Variants in SCLT1 observed in about 807,000 individuals in gnomAD.
The protein encoded by SCLT1 is sodium channel and clathrin linker 1.
SCLT1 carries 78 observed loss-of-function variants against 112.8 expected under a neutral mutation model. The observed-to-expected ratio is 0.69, with a 90% CI of 0.58 to 0.83. The LOEUF is 0.83. Ranked by LOEUF, SCLT1 falls within the 40% of genes least tolerant of loss-of-function variation. The pLI is 0.00. For synonymous variants in SCLT1, 257 were observed against 254.7 expected (o/e 1.01, Z -0.09); for missense variants, 747 against 770.4 (o/e 0.97, Z 0.36).
intron 2 of SCLT1, among the ~76,000 whole-genome samples, chr4:129,049,183 A>G (rs1748502570): frequency 6.6e-6 from 1 of 151,770 alleles, no homozygotes; most frequent in Non-Finnish European, 1.5e-5. Context: ...ATGCACACGT[A>G]TGTTTACTGC....
At chr4:129,035,466 G>A (rs935538948) in intron 5 of SCLT1, among the ~76,000 whole-genome samples, 3 of 152,042 alleles carry the variant, frequency 2.0e-5, no homozygotes, top group Non-Finnish European at 4.4e-5. Flanking sequence ...TATTACCTCA[G>A]GTTATGGAAT....
intron 18 of SCLT1, among the ~76,000 whole-genome samples, chr4:128,934,361 C>CT (rs150611646): frequency 1.7e-3 from 260 of 151,562 alleles, no homozygotes; most frequent in Non-Finnish European, 2.9e-3. Flanking sequence ...TGTTATATTA[C>CT]TTTTTTTTAA....
intron 9 of SCLT1, among the ~76,000 whole-genome samples, chr4:128,974,859 T>G (rs1285377465): frequency 2.0e-5 from 3 of 152,038 alleles, no homozygotes; most frequent in Non-Finnish European, 4.4e-5. Context: ...ACACAACTAG[T>G]TAACTATTAA....
chr4:128,942,211 G>A (rs555186807), intron 17 of SCLT1, among the ~76,000 whole-genome samples: 2 of 152,106 alleles, frequency 1.3e-5, no homozygotes, highest in South Asian at 2.1e-4. Context: ...ACCTGCAATA[G>A]GAGGCATTCA....
rs763810377 is a variant in SCLT1 at position 129,003,839 on chromosome 4, A to G, written c.328T>C (p.Leu110=). The change falls in exon 6 of 21, where the codon TTG becomes CTG. Residue 110 remains leucine (L), a synonymous_variant. Transcript: ENST00000281142. ...SELKDAVEKK[L]EAFPLGTEVG... The stretch of plus-strand genomic sequence containing the variant: ...TCTGTGCCCAGGGGAAAGGCCTCCA[A>G]TTTTTTTTCAACAGCATCTTTTAAT... 3 of 1,603,156 alleles carry G rather than the reference A, an allele frequency of 1.9e-6. No individual in the cohort carries two copies. The highest frequency in any genetic ancestry group is 1.7e-5 in the Admixed American group (1 of 59,360).
At chr4:129,045,004 G>GT (rs1748056346) in intron 2 of SCLT1, among the ~76,000 whole-genome samples, 1 of 151,828 alleles carries the variant, frequency 6.6e-6, no homozygotes, top group Non-Finnish European at 1.5e-5. Context: ...GTATATAAAA[G>GT]AAGAAGAATT....
chr4:129,085,937 C>A (rs1430754564), intron 1 of SCLT1, among the ~76,000 whole-genome samples: 1 of 152,058 alleles, frequency 6.6e-6, no homozygotes, highest in African/African-American at 2.4e-5. Context: ...ACAAAATAAT[C>A]TGCACAACAA....
chr4:128,959,887 A>G, intron 11 of SCLT1, 110 bp from the exon 12 acceptor site: 1 of 794,388 alleles, frequency 1.3e-6, no homozygotes, highest in South Asian at 1.7e-5. Context: ...TTTCACATGT[A>G]TTAATATTTT....
rs1259848461 is a variant in SCLT1, at chr4:129,043,424, C to T, written c.205G>A (p.Glu69Lys). Residue 69 changes from glutamate (E) to lysine (K), a missense_variant, in exon 4 of 21, where the codon GAA (glutamate) becomes AAA (lysine). By Grantham distance (56) the Glu-to-Lys change is moderately conservative. Transcript: ENST00000281142. ...TAATATTTCAGCTGCCCATTTAGTT[C>T]TCCTAGGTGTTTATCATACTCAGTA... ...LVTEYDKHLG[E>K]LNGQLKYYQK... 1.9e-6 allele frequency: 3 copies of T among 1,547,532 alleles called. No individual in the cohort carries two copies. The highest frequency in any genetic ancestry group is 2.7e-6 in the Non-Finnish European group (3 of 1,128,206).
intron 5 of SCLT1, among the ~76,000 whole-genome samples, chr4:129,029,335 T>C (rs1484681968): frequency 2.6e-5 from 4 of 152,048 alleles, no homozygotes; most frequent in Admixed American, 1.3e-4. Context: ...CACCATGGAA[T>C]ACTATGCAGC....
chr4:129,036,253 T>A (rs919921430), intron 5 of SCLT1, among the ~76,000 whole-genome samples: 1 of 152,044 alleles, frequency 6.6e-6, no homozygotes, highest in African/African-American at 2.4e-5. Flanking sequence ...GGAATAAACA[T>A]ACTCATGAGA....
chr4:128,885,543 C>T (rs1359400406), intron 20 of SCLT1, among the ~76,000 whole-genome samples: 1 of 152,096 alleles, frequency 6.6e-6, no homozygotes, highest in Non-Finnish European at 1.5e-5. Context: ...GCAAACTGTT[C>T]CTCTGTGTGA....
At chr4:128,953,755 C>T (rs1236781689) in intron 13 of SCLT1, among the ~76,000 whole-genome samples, 5 of 148,942 alleles carry the variant, frequency 3.4e-5, no homozygotes, top group Admixed American at 6.7e-5. Flanking sequence ...GCCGAGATGG[C>T]GCCACTGCAC....
In SCLT1 at chr4:129,006,703, T is replaced by C. The variant is rs138003089; in HGVS notation, c.291-2827A>G. On this transcript the variant is annotated intron_variant, in intron 5 of 20. Coordinates refer to ENST00000281142, the MANE Select transcript of SCLT1 (RefSeq NM_144643.4). ...CATAGTTTAATTTTGTTTGCTTCAG[T>C]ATCTGGCATACTTGGGGAATAGATG... 4.4e-4 allele frequency among the ~76,000 whole-genome samples: 67 copies of C among 152,278 alleles called. No homozygotes were observed. The East Asian group carries it at 0.013, about 29-fold the overall frequency.
At chr4:129,016,150 C>T (rs758010968) in intron 5 of SCLT1, among the ~76,000 whole-genome samples, 20 of 151,944 alleles carry the variant, frequency 1.3e-4, no homozygotes, top group Non-Finnish European at 2.8e-4. Flanking sequence ...CCATATTAAG[C>T]AAAATTATTT....
chr4:129,092,970 C>T (rs1752985737), intron 1 of SCLT1, 100 bp downstream of exon 1: 1 of 883,188 alleles, frequency 1.1e-6, no homozygotes, highest in Non-Finnish European at 1.9e-6. Flanking sequence ...AACTCTTTAC[C>T]AATTTAAATG....
chr4:128,994,253 C>T (rs1056995777), intron 8 of SCLT1, among the ~76,000 whole-genome samples: 24 of 152,142 alleles, frequency 1.6e-4, no homozygotes, highest in East Asian at 7.7e-4. Context: ...ATAGATACTT[C>T]GTATAAGTAA....
intron 10 of SCLT1, 34 bp from the exon 11 acceptor site, chr4:128,965,352 G>T (rs761675451): frequency 3.3e-5 from 46 of 1,386,864 alleles, no homozygotes; most frequent in Non-Finnish European, 4.5e-5. Context: ...CTTACTTTGA[G>T]TATGTGAAAA....
chr4:128,905,190 A>G (rs1011493302), intron 18 of SCLT1, among the ~76,000 whole-genome samples: 1 of 152,190 alleles, frequency 6.6e-6, no homozygotes, highest in African/African-American at 2.4e-5. Flanking sequence ...CTAGTAAATA[A>G]GCATTGCCAT....
Sources: allele counts gnomAD v4.1 joint callset (sites outside exome capture counted in the v4.1 genomes callset), GRCh38; gene constraint gnomAD v4.1.1; transcripts MANE v1.5; gene names NCBI Gene and HGNC (gene_info 2026-07-23, HGNC 2026-07-21).